TRIM24: variants seen among roughly 807,000 people sequenced by gnomAD.
The protein encoded by TRIM24 is tripartite motif containing 24.
Under a neutral mutation model 123.9 loss-of-function variants are expected in TRIM24, and 29 were observed. The ratio of observed to expected loss-of-function variants is 0.23; its 90% CI spans 0.17 to 0.32. TRIM24 has a LOEUF of 0.32. TRIM24 is among the 10% of genes least tolerant of loss of function. The pLI, the probability that TRIM24 is intolerant of heterozygous loss-of-function variation, is 1.00. For missense variants in TRIM24, 932 were observed against 1,295.3 expected, an observed-to-expected ratio of 0.72 and a Z score of 4.31; for synonymous variants, 456 against 461.1, an observed-to-expected ratio of 0.99 and a Z score of 0.14.
intron 15 of TRIM24, among the ~76,000 whole-genome samples, chr7:138,580,149 A>T (rs1797862621): frequency 6.6e-6 from 1 of 152,254 alleles, no homozygotes. Context: ...TTGATCTCTC[A>T]GTTCTTGGAA....
chr7:138,472,555 G>C (rs1795294343), intron 1 of TRIM24, among the ~76,000 whole-genome samples: 1 of 152,212 alleles, frequency 6.6e-6, no homozygotes, highest in Non-Finnish European at 1.5e-5. Flanking sequence ...GAACAAGGTT[G>C]AGAAGGGAGT....
chr7:138,557,820 G>A (rs1797345766), intron 9 of TRIM24, among the ~76,000 whole-genome samples: 1 of 152,072 alleles, frequency 6.6e-6, no homozygotes, highest in Non-Finnish European at 1.5e-5. Flanking sequence ...CCCTTGCAGC[G>A]ACATTAGTCA....
intron 1 of TRIM24, among the ~76,000 whole-genome samples, chr7:138,487,705 T>C (rs138850840): frequency 1.3e-5 from 2 of 152,152 alleles, no homozygotes; most frequent in African/African-American, 2.4e-5. Context: ...CCACTTGATC[T>C]TGGTGAATAA....
At chr7:138,519,575 A>G (rs1051512939) in intron 4 of TRIM24, among the ~76,000 whole-genome samples, 1 of 152,090 alleles carries the variant, frequency 6.6e-6, no homozygotes, top group Non-Finnish European at 1.5e-5. Context: ...ACCAGTAGCA[A>G]CCCTCTAACC....
intron 8 of TRIM24, among the ~76,000 whole-genome samples, chr7:138,553,810 G>A (rs772466028): frequency 1.8e-4 from 28 of 152,160 alleles, no homozygotes; most frequent in African/African-American, 5.1e-4. Flanking sequence ...CCAGCTACAC[G>A]TCTGGATGAG....
At chr7:138,582,417 CT>C (rs1797916030) in intron 17 of TRIM24, among the ~76,000 whole-genome samples, 1 of 152,022 alleles carries the variant, frequency 6.6e-6, no homozygotes, top group African/African-American at 2.4e-5. Context: ...TGGCAGGCGC[CT>C]GTAGTCCCAG....
chr7:138,461,202 A>C (rs1794962455), intron 1 of TRIM24: 1 of 672,716 alleles, frequency 1.5e-6, no homozygotes, highest in Non-Finnish European at 2.8e-6. Context: ...GCACTTTTGC[A>C]GACCTCTGTC....
intron 1 of TRIM24, among the ~76,000 whole-genome samples, chr7:138,462,548 G>A (rs1198480471): frequency 1.3e-5 from 2 of 151,584 alleles, no homozygotes; most frequent in Non-Finnish European, 2.9e-5. Flanking sequence ...CACCGTGTTA[G>A]CCAGGATGGT....
chr7:138,464,224 C>A (rs927891091), intron 1 of TRIM24, among the ~76,000 whole-genome samples: 1 of 151,638 alleles, frequency 6.6e-6, no homozygotes, highest in Non-Finnish European at 1.5e-5. Flanking sequence ...TCTCGATCTC[C>A]TGACCTTGTG....
At chr7:138,578,822 A>G (rs1325258317) in intron 14 of TRIM24, among the ~76,000 whole-genome samples, 4 of 152,048 alleles carry the variant, frequency 2.6e-5, no homozygotes, top group African/African-American at 9.7e-5. Context: ...TTTGTTATTG[A>G]TTTGAAATTT....
chr7:138,556,829 CCAACAGATTCA>C (rs1797324892), intron 9 of TRIM24, among the ~76,000 whole-genome samples: 1 of 152,118 alleles, frequency 6.6e-6, no homozygotes, highest in African/African-American at 2.4e-5. Context: ...GGCCACTGGC[CCAACAGATTCA>C]CATCCAAAGG....
rs550332643 is a variant in TRIM24, at chr7:138,541,773, A to C, written c.1143+2970A>C. Reference sequence around the variant, plus strand: ...AGAAGTCTGTGTCATCTACGTTGAAATGTGTTGTTTAGCATAGCCACCTTC... The same window carrying C: ...AGAAGTCTGTGTCATCTACGTTGAACTGTGTTGTTTAGCATAGCCACCTTC... On this transcript the variant is annotated intron_variant, in intron 7 of 18. Transcript: ENST00000343526. Among the ~76,000 whole-genome samples the C allele has an allele frequency of 1.7e-4, 26 of 152,294 alleles. No individual in the cohort carries two copies. The South Asian group carries it at 5.0e-3, about 29-fold the overall frequency.
At chr7:138,508,702 T>C (rs868307921) in intron 2 of TRIM24, among the ~76,000 whole-genome samples, 1,472 of 39,796 alleles carry the variant, frequency 0.037, 27 homozygotes, top group African/African-American at 0.073. Flanking sequence ...TGCGCGCGCG[T>C]GTGTGCGTGT....
At position 138,573,552 on chromosome 7, in the gene TRIM24, G is replaced by C. The variant is rs774249719; in HGVS notation, c.1924G>C (p.Asp642His). Reference protein sequence around the residue: ...TIMLDNIVRKDTNIDHGQPRP... With the variant: ...TIMLDNIVRKHTNIDHGQPRP... ...TATGCTGGACAATATTGTGAGGAAA[G>C]ATACTAATATAGATCATGGCCAGCC... The change falls in exon 12 of 19, where the codon GAT becomes CAT. Residue 642 changes from aspartate (D) to histidine (H), a missense_variant. Around this residue, in one of 7 missense-constraint regions of TRIM24, gnomAD observed 527 missense variants for 691.3 expected, o/e 0.76. Coordinates refer to ENST00000343526, the MANE Select transcript of TRIM24 (RefSeq NM_015905.3). 2.5e-5 allele frequency: 41 copies of C among 1,612,934 alleles called. No homozygotes were observed. The South Asian group carries it at 4.4e-4, about 17-fold the overall frequency.
chr7:138,509,111 G>T (rs1383711899), intron 2 of TRIM24, among the ~76,000 whole-genome samples: 1 of 151,654 alleles, frequency 6.6e-6, no homozygotes, highest in Non-Finnish European at 1.5e-5. Flanking sequence ...ACCACACCCA[G>T]CTAATTTTTT....
At chr7:138,481,920 G>A (rs1795535050) in intron 1 of TRIM24, among the ~76,000 whole-genome samples, 1 of 152,098 alleles carries the variant, frequency 6.6e-6, no homozygotes. Flanking sequence ...TGGTGAGGTT[G>A]CAGTCCAGTT....
rs1584754911 is a variant in TRIM24, at chr7:138,589,059, G to A, written c.*4108G>A. The stretch of plus-strand genomic sequence containing the variant: ...GCGTTCAACCATATAATTTCTTACT[G>A]AAATTGAGCTCCTCCTTTTGAATAA... On this transcript the variant is annotated 3_prime_UTR_variant, in exon 19 of 19. Transcript: ENST00000343526. The A allele has an allele frequency of 1.3e-5, 2 of 151,196 alleles. No homozygotes were observed. The highest frequency in any genetic ancestry group is 1.5e-5 in the Non-Finnish European group (1 of 67,880). The allele number at this position is 151,196 out of a possible 1,614,324, so 9.4% of individuals were successfully genotyped here.
At chr7:138,487,056 C>T (rs1225802827) in intron 1 of TRIM24, among the ~76,000 whole-genome samples, 4 of 152,128 alleles carry the variant, frequency 2.6e-5, no homozygotes, top group African/African-American at 4.8e-5. Context: ...TCCTTCACAT[C>T]CCTTGTAAGT....
At chr7:138,550,112 TATGTTAGCCAGTCAGCCTTA>T (rs1417357773) in intron 7 of TRIM24, among the ~76,000 whole-genome samples, 1 of 152,160 alleles carries the variant, frequency 6.6e-6, no homozygotes, top group Non-Finnish European at 1.5e-5. Flanking sequence ...AGAAATGTCA[TATGTTAGCCAGTCAGCCTTA>T]ATGTTAGCCA....
Sources: allele counts gnomAD v4.1 joint callset (sites outside exome capture counted in the v4.1 genomes callset), GRCh38; gene constraint gnomAD v4.1.1; regional missense constraint gnomAD v4.1.1; transcripts MANE v1.5; gene names NCBI Gene and HGNC (gene_info 2026-07-23, HGNC 2026-07-21).